NLRP1: variants seen among roughly 807,000 people sequenced by gnomAD.
NLRP1 encodes NACHT, LRR and PYD domains-containing protein 1.
A neutral mutation model predicts 136.7 loss-of-function variants in NLRP1; 94 were observed. The ratio of observed to expected loss-of-function variants is 0.69; its 90% CI spans 0.58 to 0.82. The LOEUF (loss-of-function observed/expected upper bound fraction) is 0.82. Ranked by LOEUF, NLRP1 falls within the 40% of genes least tolerant of loss-of-function variation. NLRP1 has a pLI of 0.00. For synonymous variants in NLRP1, 690 were observed against 725.1 expected (o/e 0.95, Z 0.78); for missense variants, 1,575 against 1,802.7 (o/e 0.87, Z 2.29).
rs1905955941 is a variant in NLRP1, at chr17:5,583,622, G to A, written c.271+65C>T. The A allele has an allele frequency of 6.7e-7, 1 of 1,487,136 alleles. No homozygotes were observed. The highest frequency in any genetic ancestry group is 2.5e-5 in the East Asian group (1 of 40,472). The allele number at this position is 1,487,136 out of a possible 1,614,324, so 92.1% of individuals were successfully genotyped here. On this transcript the variant is annotated intron_variant, in intron 1 of 16. Coordinates refer to ENST00000572272, the MANE Select transcript of NLRP1 (RefSeq NM_033004.4). This position sits in a 1 kb window ranked among gnomAD's most constrained non-coding sequence, Gnocchi z 4.5. ...GGAGGGCTCAGTGGTGGGGTCCCAA[G>A]AGGGCAGGGCAGGCATGAGGGCCAG...
At chr17:5,542,193 A>G (rs1187443885) in intron 5 of NLRP1, among the ~76,000 whole-genome samples, 166 bp from the exon 6 acceptor site, 1 of 149,942 alleles carries the variant, frequency 6.7e-6, no homozygotes, top group Non-Finnish European at 1.5e-5. Context: ...GGGGATAGAC[A>G]TAGAAACACA....
chr17:5,531,347 C>G (rs1038468525), intron 11 of NLRP1, among the ~76,000 whole-genome samples: 1 of 152,102 alleles, frequency 6.6e-6, no homozygotes, highest in Non-Finnish European at 1.5e-5. Flanking sequence ...CCCTGAGTAG[C>G]TAGGACTACA....
At position 5,576,143 on chromosome 17, in the gene NLRP1, T is replaced by G. The variant is rs1235989068; in HGVS notation, c.652+5716A>C. On this transcript the variant is annotated intron_variant, in intron 3 of 16. Coordinates refer to ENST00000572272, the MANE Select transcript of NLRP1 (RefSeq NM_033004.4). The stretch of plus-strand genomic sequence containing the variant: ...TTAAAGCTGTGTGTAGAGGGAAATT[T>G]ATAGCACTAAATGCCCACAAGAGAA... 4.6e-5 allele frequency among the ~76,000 whole-genome samples: 7 copies of G among 152,316 alleles called. No homozygotes were observed. In the East Asian group the frequency reaches 1.3e-3, roughly 29 times the overall value.
chr17:5,508,291 C>G (rs560401437), intron 15 of NLRP1, among the ~76,000 whole-genome samples: 1 of 152,308 alleles, frequency 6.6e-6, no homozygotes, highest in East Asian at 1.9e-4. Flanking sequence ...GAACGAGACT[C>G]TGTCTCAAAA....
At chr17:5,543,120 G>A (rs1035668478) in intron 5 of NLRP1, among the ~76,000 whole-genome samples, 1 of 152,074 alleles carries the variant, frequency 6.6e-6, no homozygotes, top group African/African-American at 2.4e-5. Context: ...GTGAGCCACC[G>A]TGCCCAGCCC....
intron 5 of NLRP1, among the ~76,000 whole-genome samples, chr17:5,551,028 C>T (rs965624356): frequency 2.0e-5 from 3 of 152,088 alleles, no homozygotes; most frequent in Non-Finnish European, 4.4e-5. Context: ...AATTGATAAA[C>T]TGACATGGAC....
chr17:5,538,357 T>A (rs1440188622), intron 7 of NLRP1, among the ~76,000 whole-genome samples: 1 of 152,006 alleles, frequency 6.6e-6, no homozygotes, highest in African/African-American at 2.4e-5. Context: ...GTCCTTCAGT[T>A]CTCCGGGGCT....
rs147988553 is a variant in NLRP1 at position 5,558,385 on chromosome 17, C to T, written c.2311G>A (p.Glu771Lys). The T allele has an allele frequency of 2.2e-5, 35 of 1,613,726 alleles. No homozygotes were observed. The highest frequency in any genetic ancestry group is 2.8e-5 in the Non-Finnish European group (33 of 1,179,876). Residue 771 changes from glutamate (E) to lysine (K), a missense_variant, in exon 4 of 17, where the codon GAG becomes AAG. Glu to Lys is a moderately conservative substitution (Grantham distance 56). Coordinates refer to ENST00000572272, the MANE Select transcript of NLRP1 (RefSeq NM_033004.4). Reference sequence around the variant, plus strand: ...CATGTTGATCTGTGCTGCCTGCCCTCAATCAGCTGAAGCTTCTTCACGTGG... The same window carrying T: ...CATGTTGATCTGTGCTGCCTGCCCTTAATCAGCTGAAGCTTCTTCACGTGG... ...SRHVKKLQLI[E>K]GRQHRSTWSP...
At chr17:5,535,985 G>A (rs1245293684) in intron 8 of NLRP1, among the ~76,000 whole-genome samples, 1 of 151,688 alleles carries the variant, frequency 6.6e-6, no homozygotes. Context: ...GGGCACAGGC[G>A]CTCTCTCTCT....
chr17:5,520,503 C>T (rs1204771415), intron 14 of NLRP1, among the ~76,000 whole-genome samples: 1 of 152,198 alleles, frequency 6.6e-6, no homozygotes, highest in African/African-American at 2.4e-5. Flanking sequence ...TTCTTTCAAA[C>T]ACCCTTTACT....
chr17:5,574,376 T>A (rs546324926), intron 3 of NLRP1, among the ~76,000 whole-genome samples: 2,701 of 152,160 alleles, frequency 0.018, 73 homozygotes, highest in African/African-American at 0.062. Context: ...AAGTTGGAAA[T>A]CATTCTGCAG....
chr17:5,517,814 G>C lies in NLRP1; in HGVS notation c.3989C>G (p.Ser1330Ter). The C allele has an allele frequency of 6.2e-7, 1 of 1,614,178 alleles. No individual in the cohort carries two copies. The change falls in exon 15 of 17, where the codon TCA becomes TGA. Residue 1330 changes from serine (S) to a stop codon, truncating the protein, a stop_gained. Transcript: ENST00000572272. LOFTEE classifies it high-confidence loss of function. The stretch of plus-strand genomic sequence containing the variant: ...GTCTTTCACTTGCAGCCTGATCCCT[G>C]ATCCCAAGTGGCCAACGTAGAACTC... ...FSEFYVGHLG[S>*]GIRLQVKDKK... is the part of the protein sequence containing the mutation.
At chr17:5,574,828 A>AT (rs1283344433) in intron 3 of NLRP1, among the ~76,000 whole-genome samples, 6 of 151,302 alleles carry the variant, frequency 4.0e-5, no homozygotes, top group East Asian at 1.9e-4. Context: ...CGCCCGGCTA[A>AT]TTTTTTTTGT....
chr17:5,523,535 A>C lies in NLRP1; in HGVS notation c.3521-1749T>G, dbSNP rs1049802859. Among the ~76,000 whole-genome samples, 4 of 152,314 alleles carry C rather than the reference A, an allele frequency of 2.6e-5. No homozygotes were observed. The South Asian group carries it at 8.3e-4, about 32-fold the overall frequency. On this transcript the variant is annotated intron_variant, in intron 12 of 16. Transcript: ENST00000572272. ...GAGTTAGTCAATAACCTTTCAATGT[A>C]TCCCTTTTCTGCTTAAATCAGCCAG...
At chr17:5,507,779 C>T (rs982289164) in intron 15 of NLRP1, among the ~76,000 whole-genome samples, 7 of 148,738 alleles carry the variant, frequency 4.7e-5, no homozygotes, top group Non-Finnish European at 1.0e-4. Flanking sequence ...TGTAGTGAGC[C>T]GAGATTGCGC....
intron 5 of NLRP1, among the ~76,000 whole-genome samples, chr17:5,550,795 T>A (rs999443128): frequency 6.6e-6 from 1 of 152,320 alleles, no homozygotes; most frequent in Admixed American, 6.5e-5. Flanking sequence ...GGAAAACAAA[T>A]TCTTAAGGTG....
chr17:5,519,542 G>A (rs552762341), intron 14 of NLRP1, among the ~76,000 whole-genome samples: 1 of 151,388 alleles, frequency 6.6e-6, no homozygotes, highest in African/African-American at 2.4e-5. Flanking sequence ...TGCCTCCCGG[G>A]TTCAAGCAAT....
chr17:5,530,342 C>G, intron 12 of NLRP1, 139 bp downstream of exon 12: 1 of 674,880 alleles, frequency 1.5e-6, no homozygotes, highest in Non-Finnish European at 2.6e-6. Context: ...GCAGGAAAAT[C>G]TTAGTCCCCA....
At chr17:5,507,619 T>TC (rs1239472481) in intron 15 of NLRP1, among the ~76,000 whole-genome samples, 1 of 151,886 alleles carries the variant, frequency 6.6e-6, no homozygotes, top group Non-Finnish European at 1.5e-5. Context: ...GGTCAGGAGA[T>TC]CGAGTCCATC....
Sources: gnomAD v4.1 joint callset for allele counts (sites outside exome capture counted in the v4.1 genomes callset) on GRCh38, gnomAD v4.1.1 for gene constraint, Gnocchi (gnomAD v3.1) non-coding constraint, MANE v1.5 for transcripts, NCBI Gene and HGNC (gene_info 2026-07-23, HGNC 2026-07-21) for gene names.